The following HEG1 variants were observed in gnomAD, a reference collection of about 807,000 sequenced individuals.
HEG1 encodes the protein heart development protein with EGF like domains 1.
HEG1 carries 56 observed loss-of-function variants against 125.6 expected under a neutral mutation model. The ratio of observed to expected loss-of-function variants is 0.45; its 90% CI spans 0.36 to 0.56. The LOEUF (loss-of-function observed/expected upper bound fraction) is 0.56, where lower values mean the gene tolerates loss of function less well. HEG1 is among the 20% of genes least tolerant of loss of function. HEG1 has a pLI of 0.00. For synonymous variants in HEG1, 644 were observed against 668.5 expected, an observed-to-expected ratio of 0.96 and a Z score of 0.57; for missense variants, 1,523 against 1,670.0, an observed-to-expected ratio of 0.91 and a Z score of 1.53.
intron 3 of HEG1, among the ~76,000 whole-genome samples, chr3:125,026,887 C>A (rs1162737093): frequency 2.0e-5 from 3 of 152,184 alleles, no homozygotes; most frequent in Non-Finnish European, 4.4e-5. Flanking sequence ...GTAATCCCAG[C>A]TACTCAGGAG....
chr3:125,013,887 T>G lies in HEG1; in HGVS notation c.1692A>C (p.Gly564=). 1 of 1,613,940 alleles carries G rather than the reference T, an allele frequency of 6.2e-7. No homozygotes were observed. Among genetic ancestry groups the G allele is most frequent in the Non-Finnish European group, 8.5e-7 (1 of 1,179,886 alleles). ...CTGTAATGGACAGTAACGCCCGTTC[T>G]CCTTTGGTGAAAGTAGATGACAGGT... ...HTYLSSTFTK[G]ERALLSITDN... The change falls in exon 6 of 17, where the codon GGA becomes GGC. Residue 564 remains glycine, a synonymous_variant. Transcript: ENST00000311127.
chr3:125,012,450 T>C (rs761045948), intron 6 of HEG1, among the ~76,000 whole-genome samples, 173 bp downstream of exon 6: 18 of 152,232 alleles, frequency 1.2e-4, no homozygotes, highest in Non-Finnish European at 2.2e-4. Context: ...GGCCCACCCA[T>C]GACCTTCTTT....
intron 1 of HEG1, among the ~76,000 whole-genome samples, chr3:125,045,763 G>A (rs569081593): frequency 1.3e-5 from 2 of 152,236 alleles, no homozygotes; most frequent in East Asian, 1.9e-4. Context: ...TGACCAACAC[G>A]TACACAGCAC....
intron 6 of HEG1, among the ~76,000 whole-genome samples, chr3:125,011,255 A>T (rs1187006508): frequency 6.6e-6 from 1 of 152,120 alleles, no homozygotes; most frequent in Non-Finnish European, 1.5e-5. Flanking sequence ...CAAAAAAAAA[A>T]AATAGTAACC....
chr3:125,048,164 G>A (rs976696617), intron 1 of HEG1, among the ~76,000 whole-genome samples: 1 of 152,088 alleles, frequency 6.6e-6, no homozygotes, highest in African/African-American at 2.4e-5. Context: ...TACATGACAT[G>A]AAAGCTAGAA....
Position 124,997,818 on chromosome 3 carries a change from T to C in HEG1, c.3523A>G (p.Ser1175Gly), listed in dbSNP as rs1413562209. 2 of 1,571,066 alleles carry C rather than the reference T, an allele frequency of 1.3e-6. No homozygotes were observed. The highest frequency in any genetic ancestry group is 1.7e-6 in the Non-Finnish European group (2 of 1,153,574). ...TCGGGACTCTTCCGCTTGCACAAGC[T>C]GCCCGCTGGAATGGAAAAACAAGAC... Reference protein sequence around the residue: ...GSQRRIFRAGSLCKRKSPECD... With the variant: ...GSQRRIFRAGGLCKRKSPECD... Residue 1175 changes from serine (S) to glycine (G), a missense_variant, in exon 12 of 17, where the codon AGC becomes GGC. By Grantham distance (56) the Ser-to-Gly change is moderately conservative (BLOSUM62 0). Coordinates refer to ENST00000311127, the MANE Select transcript of HEG1 (RefSeq NM_020733.2).
intron 1 of HEG1, among the ~76,000 whole-genome samples, chr3:125,039,849 A>C (rs974814332): frequency 1.3e-4 from 17 of 135,968 alleles, no homozygotes; most frequent in East Asian, 4.4e-4. Context: ...AAAAAAAAAA[A>C]CAACAAAAAA....
intron 12 of HEG1, among the ~76,000 whole-genome samples, chr3:124,992,163 T>C (rs575835716): frequency 6.6e-6 from 1 of 152,310 alleles, no homozygotes; most frequent in African/African-American, 2.4e-5. Flanking sequence ...CCCTAGAGTC[T>C]GTGTAGGGGA....
rs1415871507 is a variant in HEG1, at chr3:125,012,587, TTGCAGTTAACATGTGCTTGTGTGAC to T, written c.2956+11_2956+35del. ...GTAGCTCTCAGTGCTGGACTGGGCC[TTGCAGTTAACATGTGCTTGTGTGAC>T]TGTGTTTTACCTGAGGCTGAAGAGG... is the stretch of plus-strand genomic sequence containing the variant. On this transcript the variant is annotated intron_variant, in intron 6 of 16. Coordinates refer to ENST00000311127, the MANE Select transcript of HEG1 (RefSeq NM_020733.2). 9.5e-6 allele frequency: 15 copies of T among 1,581,886 alleles called. No individual in the cohort carries two copies. The highest frequency in any genetic ancestry group is 1.3e-5 in the African/African-American group (1 of 74,546).
intron 3 of HEG1, 139 bp downstream of exon 3, chr3:125,027,066 G>T: frequency 1.4e-6 from 1 of 699,984 alleles, no homozygotes; most frequent in Non-Finnish European, 2.3e-6. Flanking sequence ...CAAGTACCTG[G>T]CATTAGAGGA....
intron 1 of HEG1, among the ~76,000 whole-genome samples, chr3:125,045,043 G>A (rs1183965083): frequency 1.3e-5 from 2 of 152,250 alleles, no homozygotes. Context: ...CGAAGATGAT[G>A]GTTTGAGTGC....
intron 1 of HEG1, among the ~76,000 whole-genome samples, chr3:125,046,537 C>A (rs987262210): frequency 2.0e-5 from 3 of 152,016 alleles, no homozygotes; most frequent in African/African-American, 7.2e-5. Flanking sequence ...TCCCAAAGTG[C>A]TGGGTTTACA....
At chr3:124,978,513 C>T (rs1357914381) in intron 14 of HEG1, among the ~76,000 whole-genome samples, 6 of 152,110 alleles carry the variant, frequency 3.9e-5, no homozygotes, top group Middle Eastern at 3.4e-3. Context: ...GCACCAGCCC[C>T]GATGAAATTT....
At chr3:124,980,911 G>A (rs2107688481) in intron 14 of HEG1, among the ~76,000 whole-genome samples, 1 of 151,412 alleles carries the variant, frequency 6.6e-6, no homozygotes. Context: ...CTGGAGTGCA[G>A]TGGCAAAATC....
At chr3:125,018,454 C>T (rs546335984) in intron 5 of HEG1, among the ~76,000 whole-genome samples, 197 of 152,266 alleles carry the variant, frequency 1.3e-3, no homozygotes, top group African/African-American at 4.4e-3. Context: ...AGTGGTGATG[C>T]TGCACAGCTT....
intron 1 of HEG1, among the ~76,000 whole-genome samples, chr3:125,037,923 A>C (rs910525802): frequency 6.6e-6 from 1 of 152,256 alleles, no homozygotes; most frequent in Non-Finnish European, 1.5e-5. Flanking sequence ...GAGGATATTA[A>C]CAGCATCTCC....
In HEG1 at chr3:125,005,330, A is replaced by C. The variant is rs150686604; in HGVS notation, c.3232T>G (p.Phe1078Val). 8.6e-5 allele frequency: 137 copies of C among 1,593,000 alleles called. No homozygotes were observed. The African/African-American group carries it at 1.7e-3, about 20-fold the overall frequency. ...FVTEFKLKRT[F>V]LNTTVEKHSD... ...TGTTTTTCCACAGTTGTATTAAGAA[A>C]AGTTCTCTTTAATTTAAACTCTGTC... The change falls in exon 9 of 17, where the codon TTT (phenylalanine) becomes GTT (valine). Residue 1078 changes from phenylalanine to valine, a missense_variant. Coordinates refer to ENST00000311127, the MANE Select transcript of HEG1 (RefSeq NM_020733.2).
rs1936313774 is a variant in HEG1, at chr3:124,966,359, G to A, written c.*4293C>T. ...AGATATGATGGAGTATAACGCTAATGAAGATACTTTACTACAACAAATTAA... is the reference window on the plus strand; with the variant it reads ...AGATATGATGGAGTATAACGCTAATAAAGATACTTTACTACAACAAATTAA... On this transcript the variant is annotated 3_prime_UTR_variant, in exon 17 of 17. Coordinates refer to ENST00000311127, the MANE Select transcript of HEG1 (RefSeq NM_020733.2). The A allele has an allele frequency of 2.6e-5, 4 of 152,128 alleles. No homozygotes were observed. In the South Asian group the frequency reaches 8.3e-4, roughly 32 times the overall value. The allele number at this position is 152,128 out of a possible 1,614,324, so 9.4% of individuals were successfully genotyped here. A position where few individuals can be genotyped will look rare whatever the true frequency, so the allele number is the denominator to read the frequency against.
chr3:125,051,337 G>A (rs1429446332), intron 1 of HEG1, among the ~76,000 whole-genome samples: 1 of 150,554 alleles, frequency 6.6e-6, no homozygotes, highest in Non-Finnish European at 1.5e-5. Flanking sequence ...ATGGAGGGAG[G>A]GAGGAAGACG....
Sources: gnomAD v4.1 joint callset for allele counts (sites outside exome capture counted in the v4.1 genomes callset) on GRCh38, gnomAD v4.1.1 for gene constraint, MANE v1.5 for transcripts, NCBI Gene and HGNC (gene_info 2026-07-23, HGNC 2026-07-21) for gene names.